COQ9: variants seen among roughly 807,000 people sequenced by gnomAD.
COQ9 encodes the protein coenzyme Q9, also known as ubiquinone biosynthesis protein COQ9, mitochondrial.
In COQ9, 35 loss-of-function variants were observed where a neutral mutation model predicts 42.4. That is an observed-to-expected ratio of 0.83 (90% CI 0.63 to 1.10). COQ9 has a LOEUF of 1.10. COQ9 is among the 50% of genes least tolerant of loss of function. The probability of loss-of-function intolerance (pLI) is 0.00; values close to 1 mark genes in which losing one functional copy is unlikely to be tolerated. For synonymous variants in COQ9, 155 were observed against 155.1 expected (o/e 1.00, Z 0.00); for missense variants, 406 against 414.6 (o/e 0.98, Z 0.18).
intron 3 of COQ9, chr16:57,454,210 C>G (rs1205028231): frequency 6.6e-6 from 1 of 152,058 alleles, no homozygotes; most frequent in South Asian, 2.1e-4. Flanking sequence ...TAAAGGCAAC[C>G]TATTGGCAAG....
At position 57,451,152 on chromosome 16, in the gene COQ9, T is replaced by C; in HGVS notation, c.186T>C (p.His62=). 6.2e-7 allele frequency: 1 copy of C among 1,614,190 alleles called. No individual in the cohort carries two copies. The highest frequency in any genetic ancestry group is 8.5e-7 in the Non-Finnish European group (1 of 1,180,028). Residue 62 remains histidine (H), a synonymous_variant, in exon 2 of 9, where the codon CAT becomes CAC. Coordinates refer to ENST00000262507, the MANE Select transcript of COQ9 (RefSeq NM_020312.4). ...CTCCCAACTCATTTTCTCAGCAGCA[T>C]TCTGAGACACAGGGGGCAGAAAAAC... ...QQPPNSFSQQ[H]SETQGAEKPD...
chr16:57,456,907 ACT>A (rs2030417327), intron 4 of COQ9, 22 bp from the exon 5 acceptor site: 5 of 1,598,864 alleles, frequency 3.1e-6, no homozygotes, highest in Non-Finnish European at 4.3e-6. Context: ...TCAGAGACAC[ACT>A]GTTTTCTTTT....
intron 1 of COQ9, among the ~76,000 whole-genome samples, chr16:57,449,005 G>T (rs1295667779): frequency 6.6e-6 from 1 of 152,164 alleles, no homozygotes; most frequent in African/African-American, 2.4e-5. Flanking sequence ...AATAACTATT[G>T]CAATAGGGAA....
chr16:57,449,129 G>T (rs1364073202), intron 1 of COQ9, among the ~76,000 whole-genome samples: 5 of 152,196 alleles, frequency 3.3e-5, no homozygotes, highest in African/African-American at 1.2e-4. Flanking sequence ...ACTCAGTAGA[G>T]TCAGGATAGT....
chr16:57,454,065 T>C (rs1253083463), intron 3 of COQ9: 1 of 152,194 alleles, frequency 6.6e-6, no homozygotes, highest in Non-Finnish European at 1.5e-5. Flanking sequence ...GGCTGTATAA[T>C]GGAGGGACCC....
Position 57,460,862 on chromosome 16 carries a change from G to T in COQ9, c.*238G>T, listed in dbSNP as rs748805729. 7.3e-5 allele frequency: 39 copies of T among 536,814 alleles called. No homozygotes were observed. Among genetic ancestry groups the T allele is most frequent in the Non-Finnish European group, 1.3e-4 (38 of 295,040 alleles). 33.3% of individuals were successfully genotyped at this position (536,814 alleles called of 1,614,324 possible). A position where few individuals can be genotyped will look rare whatever the true frequency, so the allele number is the denominator to read the frequency against. On this transcript the variant is annotated 3_prime_UTR_variant, in exon 9 of 9. Transcript: ENST00000262507. Reference sequence around the variant, plus strand: ...AGACCAAGCCTCCTGATGCCTTTCTGCACTGCAACTGTGTGATTGAAAAAT... The same window carrying T: ...AGACCAAGCCTCCTGATGCCTTTCTTCACTGCAACTGTGTGATTGAAAAAT...
intron 3 of COQ9, among the ~76,000 whole-genome samples, chr16:57,455,005 C>T (rs143454514): frequency 6.6e-6 from 1 of 152,258 alleles, no homozygotes; most frequent in East Asian, 1.9e-4. Context: ...CTCATTTTGG[C>T]TGCCAGATGA....
intron 3 of COQ9, among the ~76,000 whole-genome samples, chr16:57,455,318 A>AT (rs1234946269): frequency 6.6e-6 from 1 of 150,870 alleles, no homozygotes; most frequent in Non-Finnish European, 1.5e-5. Flanking sequence ...CAGGTCAGGA[A>AT]CTGGAGGAAA....
intron 8 of COQ9, 125 bp downstream of exon 8, chr16:57,460,229 A>G: frequency 9.7e-7 from 1 of 1,029,192 alleles, no homozygotes; most frequent in Non-Finnish European, 1.5e-6. Flanking sequence ...AATAAGGCTG[A>G]CAATGGTTCA....
In COQ9 at chr16:57,447,480, C is replaced by A; in HGVS notation, c.-26C>A. ...GGTCCCGTAGCTACCGGTCGCGTCG[C>A]CGTGGGCGACGTGCCCGCTTCCAAA... On this transcript the variant is annotated 5_prime_UTR_variant, in exon 1 of 9. Coordinates refer to ENST00000262507, the MANE Select transcript of COQ9 (RefSeq NM_020312.4). The A allele has an allele frequency of 7.8e-7, 1 of 1,280,690 alleles. No homozygotes were observed. Among genetic ancestry groups the A allele is most frequent in the Non-Finnish European group, 9.9e-7 (1 of 1,007,154 alleles). The allele number at this position is 1,280,690 out of a possible 1,614,324, so 79.3% of individuals were successfully genotyped here.
intron 3 of COQ9, among the ~76,000 whole-genome samples, chr16:57,455,702 G>T (rs1276930372): frequency 6.6e-6 from 1 of 152,070 alleles, no homozygotes; most frequent in Non-Finnish European, 1.5e-5. Context: ...GTGGCGAGGC[G>T]TTTGGCTGCG....
In COQ9 at chr16:57,451,005, G is replaced by A. The variant is rs223863; in HGVS notation, c.74-35G>A. 50,245 of 1,611,734 alleles carry A rather than the reference G, an allele frequency of 0.031. 896 individuals are homozygous for A. The highest frequency in any genetic ancestry group is 0.058 in the Middle Eastern group (300 of 5,164). ...CTCTGGGTCTGAAAGGGTCTTCTCT[G>A]TTGAATGTCCCTGACTGACCAGTTT... On this transcript the variant is annotated intron_variant, in intron 1 of 8. Coordinates refer to ENST00000262507, the MANE Select transcript of COQ9 (RefSeq NM_020312.4).
intron 6 of COQ9, 26 bp from the exon 7 acceptor site, chr16:57,459,539 C>T (rs1356330229): frequency 1.9e-6 from 3 of 1,613,796 alleles, no homozygotes; most frequent in African/African-American, 2.7e-5. Flanking sequence ...CACCAGCCCA[C>T]AGCGGTAGTG....
chr16:57,451,435 G>A (rs932288729), intron 2 of COQ9, among the ~76,000 whole-genome samples: 59 of 152,186 alleles, frequency 3.9e-4, no homozygotes, highest in Non-Finnish European at 1.8e-4. Flanking sequence ...ATCTCCCAAA[G>A]TGTTGGGATT....
intron 3 of COQ9, among the ~76,000 whole-genome samples, chr16:57,455,185 C>A (rs1279500718): frequency 2.0e-5 from 3 of 151,604 alleles, no homozygotes; most frequent in African/African-American, 7.3e-5. Context: ...GTGTGGGTAC[C>A]CAATGGTGGT....
At chr16:57,455,279 T>A (rs1195768243) in intron 3 of COQ9, among the ~76,000 whole-genome samples, 1 of 151,554 alleles carries the variant, frequency 6.6e-6, no homozygotes, top group Non-Finnish European at 1.5e-5. Context: ...GAGGAGTTTT[T>A]GAGTCAACCA....
chr16:57,453,765 A>G (rs1456093190), intron 3 of COQ9: 1 of 152,290 alleles, frequency 6.6e-6, no homozygotes, highest in Non-Finnish European at 1.5e-5. Flanking sequence ...AAACAAATAT[A>G]AAAAAGAATG....
intron 3 of COQ9, among the ~76,000 whole-genome samples, chr16:57,455,409 A>ATG (rs2030379176): frequency 2.0e-5 from 3 of 148,214 alleles, no homozygotes; most frequent in Non-Finnish European, 4.5e-5. Flanking sequence ...ATATATATAT[A>ATG]TATATATAAA....
intron 3 of COQ9, among the ~76,000 whole-genome samples, chr16:57,455,414 T>TATAA (rs2030379451): frequency 1.3e-5 from 2 of 148,234 alleles, no homozygotes; most frequent in African/African-American, 4.9e-5. Flanking sequence ...TATATATATA[T>TATAA]ATAAAATAAT....
Sources: allele counts gnomAD v4.1 joint callset (sites outside exome capture counted in the v4.1 genomes callset), GRCh38; gene constraint gnomAD v4.1.1; transcripts MANE v1.5; gene names NCBI Gene and HGNC (gene_info 2026-07-23, HGNC 2026-07-21).